The following ZFP57 variants were observed in gnomAD, a reference collection of about 807,000 sequenced individuals.
ZFP57 encodes zinc finger protein 57 homolog.
Under a neutral mutation model 15.8 loss-of-function variants are expected in ZFP57, and 12 were observed. The ratio of observed to expected loss-of-function variants is 0.76; its 90% confidence interval spans 0.49 to 1.23. The LOEUF (loss-of-function observed/expected upper bound fraction) is 1.23, where lower values mean the gene tolerates loss of function less well. Ranked by LOEUF, ZFP57 falls within the 50% of genes most tolerant of loss-of-function variation. The pLI is 0.00. For synonymous variants in ZFP57, 203 were observed against 242.3 expected (o/e 0.84, Z 1.51); for missense variants, 536 against 654.9 (o/e 0.82, Z 1.98).
chr6:29,673,794 T>G lies in ZFP57; in HGVS notation c.353-36A>C. On this transcript the variant is annotated intron_variant, in intron 4 of 4. Transcript: ENST00000376883. The surrounding 1 kb of genome is among the most constrained non-coding windows in gnomAD (Gnocchi z 4.7). ...TGAGGAAGAATAACACAAAATTCAC[T>G]GTAAGAACTCCAACAGAGGCTTGGC... is the stretch of plus-strand genomic sequence containing the variant. 6.2e-7 allele frequency: 1 copy of G among 1,612,088 alleles called. No individual in the cohort carries two copies. Among genetic ancestry groups the G allele is most frequent in the Non-Finnish European group, 8.5e-7 (1 of 1,179,502 alleles).
In ZFP57 at chr6:29,672,694, G is replaced by A. The variant is rs772517149; in HGVS notation, c.1417C>T (p.His473Tyr). Residue 473 changes from histidine (H) to tyrosine (Y), a missense_variant, in exon 5 of 5, where the codon CAT (histidine) becomes TAT (tyrosine). Transcript: ENST00000376883. Reference protein sequence around the residue: ...KGKDLCQSSHHKCRVILGQWL... With the variant: ...KGKDLCQSSHYKCRVILGQWL... The stretch of plus-strand genomic sequence containing the variant: ...TGGCCCAGGATCACCCGGCATTTAT[G>A]GTGGCTGCTCTGGCACAGGTCCTTG... The A allele has an allele frequency of 2.5e-6, 4 of 1,612,598 alleles. No individual in the cohort carries two copies. In the African/African-American group the frequency reaches 4.0e-5, roughly 16 times the overall value.
Position 29,677,193 on chromosome 6 carries a change from T to C in ZFP57, c.-190A>G, listed in dbSNP as rs55693745. 0.063 allele frequency: 46,060 copies of C among 731,912 alleles called. 1,984 individuals carry two copies. Among genetic ancestry groups the C allele is most frequent in the South Asian group, 0.13 (7,494 of 57,164 alleles). The allele number at this position is 731,912 out of a possible 1,614,324, so 45.3% of individuals were successfully genotyped here. A position where few individuals can be genotyped will look rare whatever the true frequency, so the allele number is the denominator to read the frequency against. ...GCTCCAAGAGGCTGTCTTCCTTTTT[T>C]GTTCTGCTGTCCAAATTCTCCTCTT... On this transcript the variant is annotated 5_prime_UTR_variant, in exon 2 of 5. Coordinates refer to ENST00000376883, the MANE Select transcript of ZFP57 (RefSeq NM_001109809.5).
rs372855391 is a variant in ZFP57, at chr6:29,675,371, C to A, written c.352+15G>T. 37 of 1,597,746 alleles carry A rather than the reference C, an allele frequency of 2.3e-5. No individual in the cohort carries two copies. The African/African-American group carries it at 4.4e-4, about 19-fold the overall frequency. The stretch of plus-strand genomic sequence containing the variant: ...TGGGCCCTTTTCCCCTTCCTCCCTG[C>A]TTGGCAATTCTTACCTGAAAGGCCT... On this transcript the variant is annotated intron_variant, in intron 4 of 4. Coordinates refer to ENST00000376883, the MANE Select transcript of ZFP57 (RefSeq NM_001109809.5).
In ZFP57 at chr6:29,672,637, T is replaced by C; in HGVS notation, c.1474A>G (p.Met492Val). The C allele has an allele frequency of 3.1e-6, 5 of 1,611,224 alleles. No homozygotes were observed. Among genetic ancestry groups the C allele is most frequent in the Non-Finnish European group, 4.2e-6 (5 of 1,178,500 alleles). Residue 492 changes from methionine (M) to valine (V), a missense_variant, in exon 5 of 5, where the codon ATG becomes GTG. Physicochemically the swap from Met to Val is conservative, Grantham distance 21. Coordinates refer to ENST00000376883, the MANE Select transcript of ZFP57 (RefSeq NM_001109809.5). ...CCATGCTTCCATTCCTCCCCAGCCA[T>C]AGTGGGGACATCATGAGAGAAGCCA... ...WLGFSHDVPT[M>V]AGEEWKHGGD... is the part of the protein sequence containing the mutation.
Position 29,672,708 on chromosome 6 carries a change from C to G in ZFP57, c.1403G>C (p.Cys468Ser). 1 of 1,613,036 alleles carries G rather than the reference C, an allele frequency of 6.2e-7. No individual in the cohort carries two copies. The highest frequency in any genetic ancestry group is 8.5e-7 in the Non-Finnish European group (1 of 1,180,024). ...HWRGYKGKDL[C>S]QSSHHKCRVI... is the part of the protein sequence containing the mutation. Reference sequence around the variant, plus strand: ...CCGGCATTTATGGTGGCTGCTCTGGCACAGGTCCTTGCCTTTATAGCCCCT... The same window carrying G: ...CCGGCATTTATGGTGGCTGCTCTGGGACAGGTCCTTGCCTTTATAGCCCCT... The change falls in exon 5 of 5, where the codon TGC becomes TCC. Residue 468 changes from cysteine (C) to serine (S), a missense_variant. Physicochemically the swap from Cys to Ser is moderately radical, Grantham distance 112. Coordinates refer to ENST00000376883, the MANE Select transcript of ZFP57 (RefSeq NM_001109809.5).
At chr6:29,675,849 T>G (rs1772039548) in intron 3 of ZFP57, 84 bp downstream of exon 3, 13 of 1,564,048 alleles carry the variant, frequency 8.3e-6, no homozygotes, top group Non-Finnish European at 1.1e-5. Context: ...AAACTAATTG[T>G]AAGCTGATCT....
At position 29,672,712 on chromosome 6, in the gene ZFP57, G is replaced by C; in HGVS notation, c.1399C>G (p.Leu467Val). 1 of 1,613,080 alleles carries C rather than the reference G, an allele frequency of 6.2e-7. No homozygotes were observed. Among genetic ancestry groups the C allele is most frequent in the Non-Finnish European group, 8.5e-7 (1 of 1,180,048 alleles). ...CATTTATGGTGGCTGCTCTGGCACAGGTCCTTGCCTTTATAGCCCCTCCAG... is the reference window on the plus strand; with the variant it reads ...CATTTATGGTGGCTGCTCTGGCACACGTCCTTGCCTTTATAGCCCCTCCAG... Reference protein sequence around the residue: ...DHWRGYKGKDLCQSSHHKCRV... With the variant: ...DHWRGYKGKDVCQSSHHKCRV... The change falls in exon 5 of 5, where the codon CTG (leucine) becomes GTG (valine). Residue 467 changes from leucine to valine, a missense_variant. By Grantham distance (32) the Leu-to-Val change is conservative. Coordinates refer to ENST00000376883, the MANE Select transcript of ZFP57 (RefSeq NM_001109809.5).
chr6:29,675,505 G>A lies in ZFP57; in HGVS notation c.251-18C>T, dbSNP rs1772025020. 2 of 1,606,672 alleles carry A rather than the reference G, an allele frequency of 1.2e-6. No homozygotes were observed. Among genetic ancestry groups the A allele is most frequent in the Non-Finnish European group, 1.7e-6 (2 of 1,173,154 alleles). On this transcript the variant is annotated intron_variant, in intron 3 of 4. Transcript: ENST00000376883. ...GATTCTGGCTGATGTGTGGGAATGA[G>A]AAAGAGTTGAGTTGGTCCCAGGTAT...
At chr6:29,676,225 C>T in intron 2 of ZFP57, 166 bp from the exon 3 acceptor site, 1 of 802,864 alleles carries the variant, frequency 1.2e-6, no homozygotes, top group Non-Finnish European at 1.9e-6. Flanking sequence ...AGACACAAGG[C>T]CAGCAACTGT....
At position 29,675,977 on chromosome 6, in the gene ZFP57, T is replaced by G. The variant is rs755350593; in HGVS notation, c.206A>C (p.Tyr69Ser). The change falls in exon 3 of 5, where the codon TAC becomes TCC. Residue 69 changes from tyrosine (Y) to serine (S), a missense_variant. By Grantham distance (144) the Tyr-to-Ser change is moderately radical (BLOSUM62 -2). Transcript: ENST00000376883. Reference sequence around the variant, plus strand: ...AAAGGTTTCCGACATAACATCCTGGTAAAGGACCCTCTGGCTGGCATCTAG... The same window carrying G: ...AAAGGTTTCCGACATAACATCCTGGGAAAGGACCCTCTGGCTGGCATCTAG... ...DCLDASQRVL[Y>S]QDVMSETFKN... 1.2e-6 allele frequency: 2 copies of G among 1,613,420 alleles called. No individual in the cohort carries two copies. The highest frequency in any genetic ancestry group is 1.7e-6 in the Non-Finnish European group (2 of 1,180,014).
chr6:29,676,954 C>T lies in ZFP57; in HGVS notation c.50G>A (p.Trp17Ter). 6.2e-7 allele frequency: 1 copy of T among 1,614,222 alleles called. No individual in the cohort carries two copies. Among genetic ancestry groups the T allele is most frequent in the East Asian group, 2.2e-5 (1 of 44,888 alleles). Reference protein sequence around the residue: ...PIEPVQKTLPWVGEVAATLQE... With the variant: ...PIEPVQKTLP Reference sequence around the variant, plus strand: ...CAGGGTGGCAGCTACCTCGCCCACCCATGGGAGCGTCTTCTGTACAGGTTC... The same window carrying T: ...CAGGGTGGCAGCTACCTCGCCCACCTATGGGAGCGTCTTCTGTACAGGTTC... Residue 17 changes from tryptophan (W) to a stop codon, truncating the protein, a stop_gained, in exon 2 of 5, where the codon TGG becomes TAG. Transcript: ENST00000376883. LOFTEE classifies it high-confidence loss of function.
chr6:29,672,442 C>T (rs969010282), downstream of ZFP57: 30 of 1,605,406 alleles, frequency 1.9e-5, no homozygotes, highest in Non-Finnish European at 2.6e-5. Flanking sequence ...CTCATTACCC[C>T]AGAGGTCAGT....
intron 1 of ZFP57, among the ~76,000 whole-genome samples, chr6:29,680,460 G>A (rs1562230474): frequency 6.6e-6 from 1 of 152,090 alleles, no homozygotes; most frequent in Non-Finnish European, 1.5e-5. Flanking sequence ...TGAGTTTTCC[G>A]CCTGTCAGCC....
Position 29,677,768 on chromosome 6 carries a change from T to TACATACACACACACACACACAC in ZFP57, c.-363-403_-363-402insGTGTGTGTGTGTGTGTGTATGT, listed in dbSNP as rs71550149. Among the ~76,000 whole-genome samples the TACATACACACACACACACACAC allele has an allele frequency of 1.4e-3, 204 of 149,620 alleles. 3 individuals are homozygous for TACATACACACACACACACACAC. Among genetic ancestry groups the TACATACACACACACACACACAC allele is most frequent in the South Asian group, 0.013 (59 of 4,654 alleles). On this transcript the variant is annotated intron_variant, in intron 1 of 4. Transcript: ENST00000376883. ...AAGATCTCTTCCATGACCAAAATTATACACACACACACACACACACACACA... is the reference window on the plus strand; with the variant it reads ...AAGATCTCTTCCATGACCAAAATTATACATACACACACACACACACACACACACACACACACACACACACACA...
chr6:29,677,094 CCAGTAACTGGG>C lies in ZFP57; in HGVS notation c.-102_-92del. ...ATTCCTTCCTGGGGCTATCTACCTCCCAGTAACTGGGCAGATGGAGAGGCCCAGCAAAGGCC... is the reference window on the plus strand; with the variant it reads ...ATTCCTTCCTGGGGCTATCTACCTCCCAGATGGAGAGGCCCAGCAAAGGCC... On this transcript the variant is annotated 5_prime_UTR_variant, in exon 2 of 5. Coordinates refer to ENST00000376883, the MANE Select transcript of ZFP57 (RefSeq NM_001109809.5). 1 of 1,596,578 alleles carries C rather than the reference CCAGTAACTGGG, an allele frequency of 6.3e-7. No individual in the cohort carries two copies. The highest frequency in any genetic ancestry group is 2.2e-5 in the East Asian group (1 of 44,810).
chr6:29,675,422 C>G lies in ZFP57; in HGVS notation c.316G>C (p.Glu106Gln). ...KLEQEEEQWR[E>Q]FVHLPNTEGL... Reference sequence around the variant, plus strand: ...TCTGTGTTTGGGAGATGGACAAACTCTCTCCACTGTTCCTCTTCTTGCTCA... The same window carrying G: ...TCTGTGTTTGGGAGATGGACAAACTGTCTCCACTGTTCCTCTTCTTGCTCA... Residue 106 changes from glutamate to glutamine, a missense_variant, in exon 4 of 5, where the codon GAG becomes CAG. By Grantham distance (29) the Glu-to-Gln change is conservative. Transcript: ENST00000376883. 5.0e-6 allele frequency: 8 copies of G among 1,614,114 alleles called. No individual in the cohort carries two copies. Among genetic ancestry groups the G allele is most frequent in the Non-Finnish European group, 6.8e-6 (8 of 1,180,024 alleles).
chr6:29,680,192 G>C (rs1238227699), intron 1 of ZFP57, among the ~76,000 whole-genome samples: 1 of 152,180 alleles, frequency 6.6e-6, no homozygotes, highest in Non-Finnish European at 1.5e-5. Context: ...ACTTTCGACT[G>C]TAAGAGCTGG....
In ZFP57 at chr6:29,673,820, A is replaced by C; in HGVS notation, c.353-62T>G. ...GTAAGAACTCCAACAGAGGCTTGGC[A>C]TGGTGGCTCACACCTGTAATCCCAG... On this transcript the variant is annotated intron_variant, in intron 4 of 4. Coordinates refer to ENST00000376883, the MANE Select transcript of ZFP57 (RefSeq NM_001109809.5). This position sits in a 1 kb window ranked among gnomAD's most constrained non-coding sequence, Gnocchi z 4.7. The C allele has an allele frequency of 2.5e-6, 4 of 1,600,754 alleles. No individual in the cohort carries two copies. The highest frequency in any genetic ancestry group is 2.6e-6 in the Non-Finnish European group (3 of 1,169,836).
Position 29,676,025 on chromosome 6 carries a change from A to G in ZFP57, c.158T>C (p.Phe53Ser). ...PVTFEDVAVN[F>S]TQEEWDCLDA... ...TAGACAGTCCCACTCTTCCTGGGTG[A>G]AATTCACTGCCACATCCTCAAAGGT... The change falls in exon 3 of 5, where the codon TTC (phenylalanine) becomes TCC (serine). Residue 53 changes from phenylalanine (F) to serine (S), a missense_variant. By Grantham distance (155) the Phe-to-Ser change is radical. Coordinates refer to ENST00000376883, the MANE Select transcript of ZFP57 (RefSeq NM_001109809.5). 6.2e-7 allele frequency: 1 copy of G among 1,613,500 alleles called. No individual in the cohort carries two copies. The highest frequency in any genetic ancestry group is 8.5e-7 in the Non-Finnish European group (1 of 1,180,012).
Sources: allele counts gnomAD v4.1 joint callset (sites outside exome capture counted in the v4.1 genomes callset), GRCh38; gene constraint gnomAD v4.1.1; non-coding constraint Gnocchi (gnomAD v3.1); transcripts MANE v1.5; gene names NCBI Gene and HGNC (gene_info 2026-07-23, HGNC 2026-07-21).